The following CLEC16A variants were observed in gnomAD, a reference collection of about 807,000 sequenced individuals.
CLEC16A encodes C-type lectin domain containing 16A.
CLEC16A carries 51 observed loss-of-function variants against 109.5 expected under a neutral mutation model. That is an observed-to-expected ratio of 0.47 (90% confidence interval 0.37 to 0.59). The LOEUF (loss-of-function observed/expected upper bound fraction) is 0.59, where lower values mean the gene tolerates loss of function less well. Ranked by LOEUF, CLEC16A falls within the 20% of genes least tolerant of loss-of-function variation. The probability of loss-of-function intolerance (pLI) is 0.00; values close to 1 mark genes in which losing one functional copy is unlikely to be tolerated. For missense variants in CLEC16A, 1,339 were observed against 1,394.0 expected, an observed-to-expected ratio of 0.96 and a Z score of 0.63; for synonymous variants, 673 against 564.2, an observed-to-expected ratio of 1.19 and a Z score of -2.73.
intron 13 of CLEC16A, among the ~76,000 whole-genome samples, chr16:11,025,308 T>G (rs1334989159): frequency 6.6e-6 from 1 of 152,182 alleles, no homozygotes; most frequent in Admixed American, 6.5e-5. Context: ...TTTATAACAC[T>G]TGGTGTTCTT....
intron 8 of CLEC16A, 127 bp from the exon 9 acceptor site, chr16:10,979,202 G>T: frequency 1.3e-6 from 1 of 747,084 alleles, no homozygotes; most frequent in Non-Finnish European, 2.2e-6. Context: ...GACAGCCCTA[G>T]GGCCGTGGAG....
At chr16:11,091,922 G>A (rs2152966047) in intron 19 of CLEC16A, among the ~76,000 whole-genome samples, 1 of 152,256 alleles carries the variant, frequency 6.6e-6, no homozygotes, top group East Asian at 1.9e-4. Context: ...GGGGTGTTCT[G>A]ACACCCTGGG....
chr16:10,947,203 G>T (rs186487421), intron 1 of CLEC16A, among the ~76,000 whole-genome samples: 18 of 152,316 alleles, frequency 1.2e-4, no homozygotes, highest in African/African-American at 1.7e-4. Context: ...TGTATTGGTG[G>T]GGGGGTTAGA....
intron 19 of CLEC16A, 146 bp from the exon 20 acceptor site, chr16:11,120,469 G>A: frequency 1.5e-6 from 1 of 686,732 alleles, no homozygotes; most frequent in Non-Finnish European, 2.2e-6. Context: ...GTCAGAGAAG[G>A]GACTCAGACC....
chr16:10,969,062 C>A, intron 3 of CLEC16A, 99 bp from the exon 4 acceptor site: 1 of 979,020 alleles, frequency 1.0e-6, no homozygotes, highest in South Asian at 1.6e-5. Context: ...AACCCAGAGG[C>A]TTACCTGATT....
Position 10,977,406 on chromosome 16 carries a change from C to T in CLEC16A, c.903+7C>T. On this transcript the variant is annotated splice_region_variant and intron_variant, in intron 8 of 23. Transcript: ENST00000409790. ...ACTGGAGAACCAGGACAAGGTGGGT[C>T]CAGCCCCGTGGCTCCCGCTGGCTGA... 6.2e-6 allele frequency: 10 copies of T among 1,611,314 alleles called. No homozygotes were observed. Among genetic ancestry groups the T allele is most frequent in the Non-Finnish European group, 5.9e-6 (7 of 1,178,488 alleles).
At chr16:11,024,038 G>T (rs75344354) in intron 12 of CLEC16A, 1 of 152,346 alleles carries the variant, frequency 6.6e-6, no homozygotes, top group East Asian at 1.9e-4. Flanking sequence ...AGCATCAGAG[G>T]TGAGAGACCT....
At position 11,047,216 on chromosome 16, in the gene CLEC16A, T is replaced by C. The variant is rs965315849; in HGVS notation, c.1816-76T>C. On this transcript the variant is annotated intron_variant, in intron 16 of 23. Coordinates refer to ENST00000409790, the MANE Select transcript of CLEC16A (RefSeq NM_015226.3). Reference sequence around the variant, plus strand: ...ACAGATGGCCTCTAAAGCCACAAACTAGAGTTTATAATACTCTGTTGTTTA... The same window carrying C: ...ACAGATGGCCTCTAAAGCCACAAACCAGAGTTTATAATACTCTGTTGTTTA... 10 of 1,242,186 alleles carry C rather than the reference T, an allele frequency of 8.1e-6. No individual in the cohort carries two copies. The South Asian group carries it at 9.1e-5, about 11-fold the overall frequency. The allele number at this position is 1,242,186 out of a possible 1,614,324, so 76.9% of individuals were successfully genotyped here. A position where few individuals can be genotyped will look rare whatever the true frequency, so the allele number is the denominator to read the frequency against.
rs569046074 is a variant in CLEC16A at position 10,948,736 on chromosome 16, TC to T, written c.80+3943del. The stretch of plus-strand genomic sequence containing the variant: ...ATAGCTCATGTCACTGAATGGTCTG[TC>T]CCCGCTAAACCATGGCTGAATCCAG... On this transcript the variant is annotated intron_variant, in intron 1 of 23. Transcript: ENST00000409790. 5.5e-3 allele frequency among the ~76,000 whole-genome samples: 838 copies of T among 152,294 alleles called. 5 individuals carry two copies. The highest frequency in any genetic ancestry group is 8.1e-3 in the Non-Finnish European group (550 of 68,030).
chr16:10,960,250 A>G (rs1260548879), intron 2 of CLEC16A, among the ~76,000 whole-genome samples: 2 of 152,114 alleles, frequency 1.3e-5, no homozygotes, highest in East Asian at 1.9e-4. Flanking sequence ...TTTCTGTCCT[A>G]GCATCCCATC....
chr16:10,980,328 T>G (rs572579542), intron 9 of CLEC16A, among the ~76,000 whole-genome samples: 2 of 152,254 alleles, frequency 1.3e-5, no homozygotes, highest in African/African-American at 2.4e-5. Context: ...AGGCCAAGTT[T>G]GTCTGAATGC....
rs1188907126 is a variant in CLEC16A at position 11,181,706 on chromosome 16, C to G, written c.*3016C>G. ...TCCGTGAGCAGCCCCTCCTCTGCCGCTGTCCCAGCCCAGTCCCTCTCCCGG... is the reference window on the plus strand; with the variant it reads ...TCCGTGAGCAGCCCCTCCTCTGCCGGTGTCCCAGCCCAGTCCCTCTCCCGG... On this transcript the variant is annotated 3_prime_UTR_variant, in exon 24 of 24. Coordinates refer to ENST00000409790, the MANE Select transcript of CLEC16A (RefSeq NM_015226.3). 6.6e-6 allele frequency: 1 copy of G among 152,440 alleles called. No individual in the cohort carries two copies. The highest frequency in any genetic ancestry group is 1.5e-5 in the Non-Finnish European group (1 of 68,080). 9.4% of individuals were successfully genotyped at this position (152,440 alleles called of 1,614,324 possible). A position where few individuals can be genotyped will look rare whatever the true frequency, so the allele number is the denominator to read the frequency against.
intron 19 of CLEC16A, among the ~76,000 whole-genome samples, chr16:11,110,405 G>A (rs1314595319): frequency 2.0e-5 from 3 of 152,228 alleles, no homozygotes; most frequent in Admixed American, 2.0e-4. Context: ...CCAGGGATGA[G>A]GGGTCAGGGG....
At chr16:11,026,983 T>C in intron 13 of CLEC16A, 2 of 1,546,138 alleles carry the variant, frequency 1.3e-6, no homozygotes, top group South Asian at 2.2e-5. Flanking sequence ...CTTTCCCATG[T>C]GGTGGGGTTG....
chr16:11,138,591 C>T (rs2053677025), intron 22 of CLEC16A, among the ~76,000 whole-genome samples: 1 of 152,160 alleles, frequency 6.6e-6, no homozygotes, highest in Non-Finnish European at 1.5e-5. Flanking sequence ...CAGGTGATGC[C>T]CGTGGGCGGA....
At chr16:11,051,080 C>T (rs1280504614) in intron 17 of CLEC16A, among the ~76,000 whole-genome samples, 1 of 152,156 alleles carries the variant, frequency 6.6e-6, no homozygotes, top group African/African-American at 2.4e-5. Flanking sequence ...AATCAGCTCT[C>T]GTTAAACGGA....
chr16:11,181,161 T>G lies in CLEC16A; in HGVS notation c.*2471T>G, dbSNP rs1333110468. On this transcript the variant is annotated 3_prime_UTR_variant, in exon 24 of 24. Transcript: ENST00000409790. The stretch of plus-strand genomic sequence containing the variant: ...ATTGGAGGCCACCAGCCATTTTGGC[T>G]TCAAAGGACCCCACCTCACCCAGGT... The G allele has an allele frequency of 1.2e-4, 19 of 152,372 alleles. No individual in the cohort carries two copies. Among genetic ancestry groups the G allele is most frequent in the Admixed American group, 1.2e-3 (19 of 15,292 alleles). The allele number at this position is 152,372 out of a possible 1,614,324, so 9.4% of individuals were successfully genotyped here.
intron 13 of CLEC16A, among the ~76,000 whole-genome samples, chr16:11,025,462 T>C (rs1475444356): frequency 6.6e-6 from 1 of 152,198 alleles, no homozygotes; most frequent in African/African-American, 2.4e-5. Flanking sequence ...ACAGGTTTTG[T>C]TGGGATTCAT....
chr16:11,133,871 C>A (rs2053395122), intron 22 of CLEC16A, among the ~76,000 whole-genome samples: 3 of 152,214 alleles, frequency 2.0e-5, no homozygotes, highest in African/African-American at 7.2e-5. Flanking sequence ...TCCCAGCCTT[C>A]AGCTCACTGC....
Sources: gnomAD v4.1 joint callset for allele counts (sites outside exome capture counted in the v4.1 genomes callset) on GRCh38, gnomAD v4.1.1 for gene constraint, MANE v1.5 for transcripts, NCBI Gene and HGNC (gene_info 2026-07-23, HGNC 2026-07-21) for gene names.